The following RARA variants were observed in gnomAD, a reference collection of about 807,000 sequenced individuals.
RARA encodes the protein PML-DDX5-RARA fusion.
Under a neutral mutation model 42.8 loss-of-function variants are expected in RARA, and 5 were observed. The observed-to-expected ratio is 0.12, with a 90% confidence interval of 0.06 to 0.25. The LOEUF (loss-of-function observed/expected upper bound fraction) is 0.25. RARA is among the 10% of genes least tolerant of loss of function. RARA has a pLI of 1.00. For synonymous variants in RARA, 256 were observed against 259.5 expected (o/e 0.99, Z 0.13); for missense variants, 402 against 628.7 (o/e 0.64, Z 3.86).
rs902213718 is a variant in RARA at position 40,320,096 on chromosome 17, T to C, written c.-362-10761T>C. Among the ~76,000 whole-genome samples, 4 of 151,848 alleles carry C rather than the reference T, an allele frequency of 2.6e-5. No homozygotes were observed. The highest frequency in any genetic ancestry group is 9.7e-5 in the African/African-American group (4 of 41,284). ...CTTGGATTTGCAAGGATTTTGAGGG[T>C]GTGATTGAGTGTATATGAGGTGTCA... On this transcript the variant is annotated intron_variant, in intron 1 of 8. Transcript: ENST00000254066. The surrounding 1 kb of genome is among the most constrained non-coding windows in gnomAD (Gnocchi z 4.1).
chr17:40,342,459 G>A (rs953515302), intron 2 of RARA: 1 of 1,222,244 alleles, frequency 8.2e-7, no homozygotes, highest in Non-Finnish European at 1.0e-6. Context: ...GCTTCCCTGG[G>A]AGAGCCGACG....
At chr17:40,347,626 T>TG (rs1200534890) in intron 2 of RARA, among the ~76,000 whole-genome samples, 2 of 152,188 alleles carry the variant, frequency 1.3e-5, no homozygotes, top group Admixed American at 6.5e-5. Context: ...TCTCCCCAGA[T>TG]GGGGGGTACC....
chr17:40,335,385 C>T (rs1302223220), intron 2 of RARA, among the ~76,000 whole-genome samples: 1 of 151,970 alleles, frequency 6.6e-6, no homozygotes. Flanking sequence ...GCATTTAGTG[C>T]TGAGTTTAAA....
At chr17:40,313,545 G>A (rs2033135405) in intron 1 of RARA, among the ~76,000 whole-genome samples, 1 of 152,120 alleles carries the variant, frequency 6.6e-6, no homozygotes, top group Non-Finnish European at 1.5e-5. Flanking sequence ...GGCACCCCCT[G>A]GGGTTGTTCA....
chr17:40,315,161 T>TACACACAC (rs1481244469), intron 1 of RARA, among the ~76,000 whole-genome samples: 53 of 125,172 alleles, frequency 4.2e-4, no homozygotes, highest in African/African-American at 1.8e-3. Context: ...TATATATATA[T>TACACACAC]ATATATATAT....
chr17:40,325,760 C>G (rs1180679808), intron 1 of RARA, among the ~76,000 whole-genome samples: 1 of 152,152 alleles, frequency 6.6e-6, no homozygotes. Flanking sequence ...CTTTTAAGCT[C>G]CCCAATACTT....
chr17:40,344,110 G>C (rs1165555145), intron 2 of RARA, among the ~76,000 whole-genome samples: 2 of 151,314 alleles, frequency 1.3e-5, no homozygotes, highest in Non-Finnish European at 3.0e-5. Flanking sequence ...TCTCGGGGGG[G>C]CCCTGGCAGA....
At chr17:40,318,762 A>G (rs1764539178) in intron 1 of RARA, among the ~76,000 whole-genome samples, 1 of 152,224 alleles carries the variant, frequency 6.6e-6, no homozygotes, top group Non-Finnish European at 1.5e-5. Context: ...CTTTAATGAT[A>G]AGCAAAACAA....
rs976585948 is a variant in RARA, at chr17:40,355,358, C to T, written c.1108C>T (p.Arg370Cys). 5.6e-6 allele frequency: 9 copies of T among 1,613,686 alleles called. No homozygotes were observed. The highest frequency in any genetic ancestry group is 2.7e-5 in the African/African-American group (2 of 75,044). Residue 370 changes from arginine to cysteine, a missense_variant, in exon 8 of 9, where the codon CGC becomes TGC. Arg to Cys is a radical substitution (Grantham distance 180). Around this residue, in one of 5 missense-constraint regions of RARA, gnomAD observed 104 missense variants for 160.1 expected, o/e 0.65. Transcript: ENST00000254066. This position sits in a 1 kb window ranked among gnomAD's most constrained non-coding sequence, Gnocchi z 4.1. ...CTACGTGCGGAAGCGGAGGCCCAGC[C>T]GCCCCCACATGTTCCCCAAGATGCT... Reference protein sequence around the residue: ...KVYVRKRRPSRPHMFPKMLMK... With the variant: ...KVYVRKRRPSCPHMFPKMLMK...
At chr17:40,327,140 G>T (rs886638624) in intron 1 of RARA, among the ~76,000 whole-genome samples, 7 of 152,240 alleles carry the variant, frequency 4.6e-5, no homozygotes, top group African/African-American at 1.7e-4. Flanking sequence ...GGGTAGTGGG[G>T]ATTGAAGTTT....
intron 2 of RARA, among the ~76,000 whole-genome samples, chr17:40,339,416 C>A (rs563023260): frequency 6.6e-6 from 1 of 152,352 alleles, no homozygotes; most frequent in Admixed American, 6.5e-5. Context: ...GGCCTGCAGA[C>A]AGCTGCCGCT....
intron 1 of RARA, among the ~76,000 whole-genome samples, chr17:40,318,745 T>C (rs1408047718): frequency 6.6e-6 from 1 of 152,266 alleles, no homozygotes; most frequent in Non-Finnish European, 1.5e-5. Context: ...ACTTCTGTTC[T>C]TTTTCTCTTT....
intron 3 of RARA, chr17:40,348,738 C>A: frequency 3.3e-6 from 1 of 300,762 alleles, no homozygotes; most frequent in Non-Finnish European, 6.1e-6. Context: ...GCCTGCTCTG[C>A]CACCGCTGCC....
chr17:40,351,606 G>T lies in RARA; in HGVS notation c.470-304G>T, dbSNP rs79593644. 6,404 of 497,118 alleles carry T rather than the reference G, an allele frequency of 0.013. 318 individuals are homozygous for T. The highest frequency in any genetic ancestry group is 0.11 in the African/African-American group (5,649 of 51,430). The allele number at this position is 497,118 out of a possible 1,614,324, so 30.8% of individuals were successfully genotyped here. A position where few individuals can be genotyped will look rare whatever the true frequency, so the allele number is the denominator to read the frequency against. Reference sequence around the variant, plus strand: ...ACCTAGGAGGGCACCGTCGCCTGGAGTGTGAGCTGGAGTAGACGCGTGGGG... The same window carrying T: ...ACCTAGGAGGGCACCGTCGCCTGGATTGTGAGCTGGAGTAGACGCGTGGGG... On this transcript the variant is annotated intron_variant, in intron 4 of 8. Transcript: ENST00000254066. The surrounding 1 kb of genome is among the most constrained non-coding windows in gnomAD (Gnocchi z 4.1).
In RARA at chr17:40,345,250, G is replaced by A. The variant is rs1216863367; in HGVS notation, c.179-3066G>A. 1.3e-5 allele frequency: 2 copies of A among 153,320 alleles called. No individual in the cohort carries two copies. Among genetic ancestry groups the A allele is most frequent in the Non-Finnish European group, 2.9e-5 (2 of 68,124 alleles). The allele number at this position is 153,320 out of a possible 1,614,324, so 9.5% of individuals were successfully genotyped here. ...GCTTATCAGGCGGCCGCTGGGCTAG[G>A]GGCCTTCTTCCGCTGCCGCGGTACA... is the stretch of plus-strand genomic sequence containing the variant. On this transcript the variant is annotated intron_variant, in intron 2 of 8. Transcript: ENST00000254066. The surrounding 1 kb of genome is among the most constrained non-coding windows in gnomAD (Gnocchi z 4.8).
At position 40,351,185 on chromosome 17, in the gene RARA, T is replaced by A. The variant is rs1014712091; in HGVS notation, c.470-725T>A. Among the ~76,000 whole-genome samples the A allele has an allele frequency of 6.6e-6, 1 of 151,588 alleles. No homozygotes were observed. The highest frequency in any genetic ancestry group is 2.4e-5 in the African/African-American group (1 of 41,210). ...CTTTATTGAATTTGCAGAATCGACATGAGTGATCTCCAAATTATGCCAGCT... is the reference window on the plus strand; with the variant it reads ...CTTTATTGAATTTGCAGAATCGACAAGAGTGATCTCCAAATTATGCCAGCT... On this transcript the variant is annotated intron_variant, in intron 4 of 8. Transcript: ENST00000254066. The surrounding 1 kb of genome is among the most constrained non-coding windows in gnomAD (Gnocchi z 4.1).
chr17:40,317,065 G>T (rs1446523488), intron 1 of RARA, among the ~76,000 whole-genome samples: 1 of 152,244 alleles, frequency 6.6e-6, no homozygotes, highest in Non-Finnish European at 1.5e-5. Flanking sequence ...CAACCGGTGC[G>T]ACTGTGCACA....
intron 2 of RARA, among the ~76,000 whole-genome samples, chr17:40,347,436 A>G (rs1369193778): frequency 2.0e-5 from 3 of 152,156 alleles, no homozygotes; most frequent in Non-Finnish European, 4.4e-5. Flanking sequence ...AGTGATGGGC[A>G]TGGAGCCAGA....
Position 40,356,324 on chromosome 17 carries a change from G to A in RARA, c.*98G>A, listed in dbSNP as rs1402780163. On this transcript the variant is annotated 3_prime_UTR_variant, in exon 9 of 9. Coordinates refer to ENST00000254066, the MANE Select transcript of RARA (RefSeq NM_000964.4). Reference sequence around the variant, plus strand: ...CCCCGCACCAGCCCTGCCCCCACCTGCCCTCCCGGGCAGTACTGGGGACCT... The same window carrying A: ...CCCCGCACCAGCCCTGCCCCCACCTACCCTCCCGGGCAGTACTGGGGACCT... 6 of 1,309,460 alleles carry A rather than the reference G, an allele frequency of 4.6e-6. No homozygotes were observed. The South Asian group carries it at 7.5e-5, about 16-fold the overall frequency. 81.1% of individuals were successfully genotyped at this position (1,309,460 alleles called of 1,614,324 possible). A position where few individuals can be genotyped will look rare whatever the true frequency, so the allele number is the denominator to read the frequency against.
Sources: allele counts gnomAD v4.1 joint callset (sites outside exome capture counted in the v4.1 genomes callset), GRCh38; gene constraint gnomAD v4.1.1; regional missense constraint gnomAD v4.1.1; non-coding constraint Gnocchi (gnomAD v3.1); transcripts MANE v1.5; gene names NCBI Gene and HGNC (gene_info 2026-07-23, HGNC 2026-07-21).